Variants in SNX14 observed in about 807,000 individuals in gnomAD.
SNX14 encodes sorting nexin-14.
SNX14 carries 93 observed loss-of-function variants against 133.8 expected under a neutral mutation model. The observed-to-expected ratio is 0.70, with a 90% CI of 0.59 to 0.83. SNX14 has a LOEUF of 0.83. Ranked by LOEUF, SNX14 falls within the 40% of genes least tolerant of loss-of-function variation. The pLI is 0.00. For synonymous variants in SNX14, 368 were observed against 365.6 expected, an observed-to-expected ratio of 1.01 and a Z score of -0.07; for missense variants, 945 against 1,094.9, an observed-to-expected ratio of 0.86 and a Z score of 1.93.
chr6:85,566,233 A>C (rs1793784068), intron 5 of SNX14, among the ~76,000 whole-genome samples: 1 of 152,244 alleles, frequency 6.6e-6, no homozygotes, highest in African/African-American at 2.4e-5. Flanking sequence ...AAAAGGATTC[A>C]TTTTACAAAA....
Position 85,507,313 on chromosome 6 carries a change from A to C in SNX14, c.2746-24T>G, listed in dbSNP as rs765843218. On this transcript the variant is annotated intron_variant, in intron 27 of 28. Coordinates refer to ENST00000314673, the MANE Select transcript of SNX14 (RefSeq NM_153816.6). ...AGCTAAAGCACCAAAAAATAATAAT[A>C]ATAAATGTTAAGGCACTAAACACAA... is the stretch of plus-strand genomic sequence containing the variant. The C allele has an allele frequency of 3.2e-6, 5 of 1,580,746 alleles. No homozygotes were observed. The African/African-American group carries it at 6.8e-5, about 22-fold the overall frequency.
chr6:85,543,833 C>A, intron 12 of SNX14, 73 bp from the exon 13 acceptor site: 1 of 930,894 alleles, frequency 1.1e-6, no homozygotes, highest in African/African-American at 1.7e-5. Context: ...CAGTCCCATT[C>A]TAATTGTAGC....
At chr6:85,570,086 T>G (rs763206160) in intron 4 of SNX14, among the ~76,000 whole-genome samples, 7 of 152,216 alleles carry the variant, frequency 4.6e-5, no homozygotes, top group Non-Finnish European at 8.8e-5. Context: ...TACCTTAATT[T>G]TTTTCCATTA....
intron 1 of SNX14, chr6:85,589,059 T>G (rs988905046): frequency 8.3e-6 from 3 of 360,174 alleles, no homozygotes; most frequent in African/African-American, 6.4e-5. Context: ...GCCGTTTCAT[T>G]TCTCTAAAAA....
chr6:85,580,499 C>T (rs928829681), intron 1 of SNX14, among the ~76,000 whole-genome samples: 24 of 152,056 alleles, frequency 1.6e-4, no homozygotes, highest in Admixed American at 1.2e-3. Context: ...GCTCAGGTAC[C>T]GGCTTGGCCA....
intron 26 of SNX14, 151 bp downstream of exon 26, chr6:85,513,649 A>AT (rs1469327841): frequency 1.7e-6 from 1 of 597,386 alleles, no homozygotes; most frequent in African/African-American, 1.9e-5. Context: ...TGAAAGAATT[A>AT]TTTAACTAGT....
Position 85,533,685 on chromosome 6 carries a change from A to G in SNX14, c.1724T>C (p.Phe575Ser). The G allele has an allele frequency of 6.2e-7, 1 of 1,614,004 alleles. No individual in the cohort carries two copies. Among genetic ancestry groups the G allele is most frequent in the Non-Finnish European group, 8.5e-7 (1 of 1,180,032 alleles). ...CTTCCTTTCAGAGGAGGGATCCTCA[A>G]AAAAGTCTACATATGGAATGCTAAT... ...WKISIPYVDF[F>S]EDPSSERKEK... The change falls in exon 18 of 29, where the codon TTT becomes TCT. Residue 575 changes from phenylalanine (F) to serine (S), a missense_variant. By Grantham distance (155) the Phe-to-Ser change is radical (BLOSUM62 -2). Coordinates refer to ENST00000314673, the MANE Select transcript of SNX14 (RefSeq NM_153816.6).
chr6:85,508,457 A>G, intron 26 of SNX14: 1 of 875,014 alleles, frequency 1.1e-6, no homozygotes, highest in Non-Finnish European at 1.4e-6. Context: ...TGCATGGAAA[A>G]ATGTAAGGAT....
intron 1 of SNX14, among the ~76,000 whole-genome samples, chr6:85,586,251 A>G (rs1800822759): frequency 1.3e-5 from 2 of 152,212 alleles, no homozygotes; most frequent in Non-Finnish European, 2.9e-5. Context: ...CCCTCATACT[A>G]AGAAAGGTTT....
intron 19 of SNX14, among the ~76,000 whole-genome samples, chr6:85,528,678 A>C (rs1242113042): frequency 6.6e-6 from 1 of 152,176 alleles, no homozygotes; most frequent in Non-Finnish European, 1.5e-5. Context: ...GTGAGATTCT[A>C]CTAGACAAAA....
chr6:85,580,105 AG>A (rs1798583245), intron 1 of SNX14, among the ~76,000 whole-genome samples: 1 of 152,088 alleles, frequency 6.6e-6, no homozygotes, highest in Non-Finnish European at 1.5e-5. Flanking sequence ...AGGAGAGGAG[AG>A]GGGAAAGTAA....
At chr6:85,513,587 T>C (rs1773713743) in intron 26 of SNX14, among the ~76,000 whole-genome samples, 2 of 152,330 alleles carry the variant, frequency 1.3e-5, no homozygotes, top group African/African-American at 2.4e-5. Context: ...ATTATGTGAG[T>C]AGAAACAGCC....
At chr6:85,538,419 G>C (rs1782597470) in intron 16 of SNX14, among the ~76,000 whole-genome samples, 1 of 151,742 alleles carries the variant, frequency 6.6e-6, no homozygotes, top group African/African-American at 2.4e-5. Flanking sequence ...AAAACAATGG[G>C]GGTTGTTGAA....
chr6:85,556,796 T>G (rs941061603), intron 7 of SNX14, among the ~76,000 whole-genome samples: 2 of 152,262 alleles, frequency 1.3e-5, no homozygotes, highest in South Asian at 2.1e-4. Context: ...TTATTTTTAC[T>G]TGTTATAAGA....
intron 22 of SNX14, 39 bp downstream of exon 22, chr6:85,517,969 A>T: frequency 6.3e-7 from 1 of 1,584,662 alleles, no homozygotes; most frequent in Non-Finnish European, 8.6e-7. Flanking sequence ...TATGTTTATG[A>T]TTATCATGTT....
At chr6:85,552,681 A>G (rs2128118126) in intron 7 of SNX14, among the ~76,000 whole-genome samples, 1 of 152,324 alleles carries the variant, frequency 6.6e-6, no homozygotes, top group African/African-American at 2.4e-5. Flanking sequence ...TATATCTTTG[A>G]ATTATTTTTC....
At chr6:85,552,714 T>C (rs1000248894) in intron 7 of SNX14, among the ~76,000 whole-genome samples, 3 of 152,190 alleles carry the variant, frequency 2.0e-5, no homozygotes, top group Non-Finnish European at 4.4e-5. Flanking sequence ...CCCCATTAGA[T>C]AGAAAATGCC....
intron 26 of SNX14, among the ~76,000 whole-genome samples, chr6:85,512,132 T>C (rs770438545): frequency 6.6e-6 from 1 of 152,176 alleles, no homozygotes; most frequent in Non-Finnish European, 1.5e-5. Context: ...CTAGAGTTGG[T>C]TCTTTCCCTT....
chr6:85,514,705 G>C, intron 23 of SNX14, 76 bp from the exon 24 acceptor site: 1 of 1,437,678 alleles, frequency 7.0e-7, no homozygotes, highest in South Asian at 1.2e-5. Context: ...AGGATTAAGT[G>C]TCACACAGCA....
Sources: allele counts gnomAD v4.1 joint callset (sites outside exome capture counted in the v4.1 genomes callset), GRCh38; gene constraint gnomAD v4.1.1; transcripts MANE v1.5; gene names NCBI Gene and HGNC (gene_info 2026-07-23, HGNC 2026-07-21).